The following DCC variants were observed in gnomAD, a reference collection of about 807,000 sequenced individuals.
The protein encoded by DCC is DCC netrin 1 receptor, also known as netrin receptor DCC.
A neutral mutation model predicts 172.5 loss-of-function variants in DCC; 58 were observed. The ratio of observed to expected loss-of-function variants is 0.34; its 90% CI spans 0.27 to 0.42. The LOEUF is 0.42. DCC is among the 10% of genes least tolerant of loss of function. DCC has a pLI of 1.00. For synonymous variants in DCC, 709 were observed against 644.5 expected, an observed-to-expected ratio of 1.10 and a Z score of -1.52; for missense variants, 1,740 against 1,791.0, an observed-to-expected ratio of 0.97 and a Z score of 0.51.
chr18:52,627,154 A>T (rs2034590328), intron 1 of DCC, among the ~76,000 whole-genome samples: 1 of 152,190 alleles, frequency 6.6e-6, no homozygotes, highest in South Asian at 2.1e-4. Flanking sequence ...GTAGAGCCCC[A>T]GTTATTCTTT....
At chr18:52,796,375 TTC>T (rs1413973278) in intron 2 of DCC, among the ~76,000 whole-genome samples, 1 of 152,144 alleles carries the variant, frequency 6.6e-6, no homozygotes, top group African/African-American at 2.4e-5. Context: ...CTTGATTCCT[TTC>T]TCTTTCTCAT....
At chr18:52,550,420 C>T (rs1359845500) in intron 1 of DCC, among the ~76,000 whole-genome samples, 3 of 151,964 alleles carry the variant, frequency 2.0e-5, no homozygotes, top group East Asian at 1.9e-4. Flanking sequence ...CATATTAGTT[C>T]GATATCTGTA....
chr18:53,446,494 G>C (rs144529651), intron 22 of DCC, among the ~76,000 whole-genome samples: 3,292 of 152,264 alleles, frequency 0.022, 60 homozygotes, highest in Middle Eastern at 0.065. Flanking sequence ...TCTGGAGCCA[G>C]CCTGTCTCCC....
intron 2 of DCC, among the ~76,000 whole-genome samples, chr18:52,885,962 C>A (rs2039563637): frequency 6.6e-6 from 1 of 151,622 alleles, no homozygotes; most frequent in African/African-American, 2.4e-5. Context: ...TGAGATAGGC[C>A]CCAGAATGTG....
chr18:52,766,056 G>C (rs73957686), intron 2 of DCC, among the ~76,000 whole-genome samples: 2,893 of 152,274 alleles, frequency 0.019, 113 homozygotes, highest in African/African-American at 0.066. Context: ...TGTGGAGGGA[G>C]CGTACAAGTG....
chr18:52,596,417 C>T (rs2033911267), intron 1 of DCC, among the ~76,000 whole-genome samples: 1 of 152,156 alleles, frequency 6.6e-6, no homozygotes, highest in African/African-American at 2.4e-5. Flanking sequence ...GATCATTTAA[C>T]CTGATAATTC....
At chr18:52,410,486 T>TC (rs1345350168) in intron 1 of DCC, among the ~76,000 whole-genome samples, 1 of 151,980 alleles carries the variant, frequency 6.6e-6, no homozygotes, top group Non-Finnish European at 1.5e-5. Context: ...GTGTTTTTGT[T>TC]CCCCCCATAT....
intron 1 of DCC, among the ~76,000 whole-genome samples, chr18:52,622,940 C>T (rs1420073300): frequency 6.6e-6 from 1 of 152,166 alleles, no homozygotes; most frequent in East Asian, 1.9e-4. Context: ...TTTAAATTCA[C>T]AAAGGACATG....
intron 14 of DCC, among the ~76,000 whole-genome samples, chr18:53,335,254 G>T (rs2057578764): frequency 6.6e-6 from 1 of 152,058 alleles, no homozygotes; most frequent in African/African-American, 2.4e-5. Context: ...GACTCAAATG[G>T]GGAGAATTTC....
chr18:53,381,412 A>C (rs912125716), intron 15 of DCC, among the ~76,000 whole-genome samples: 2 of 152,090 alleles, frequency 1.3e-5, no homozygotes, highest in Non-Finnish European at 2.9e-5. Flanking sequence ...CATAAGCTAC[A>C]GCTGTTAACC....
At chr18:52,648,308 C>G (rs538580498) in intron 1 of DCC, among the ~76,000 whole-genome samples, 1 of 152,338 alleles carries the variant, frequency 6.6e-6, no homozygotes, top group Admixed American at 6.5e-5. Flanking sequence ...GGCTTCCCCT[C>G]AACGTGAGAA....
At chr18:53,261,023 T>C (rs2056591460) in intron 12 of DCC, among the ~76,000 whole-genome samples, 1 of 152,158 alleles carries the variant, frequency 6.6e-6, no homozygotes, top group Non-Finnish European at 1.5e-5. Flanking sequence ...TATAATCTCC[T>C]GGTGTGCCAT....
chr18:53,003,991 C>T (rs954899738), intron 5 of DCC, among the ~76,000 whole-genome samples: 6 of 152,180 alleles, frequency 3.9e-5, no homozygotes, highest in Admixed American at 1.3e-4. Context: ...CAATATTTCA[C>T]TCAGCTATTC....
intron 2 of DCC, among the ~76,000 whole-genome samples, chr18:52,829,743 T>C (rs2038579334): frequency 1.3e-5 from 2 of 152,128 alleles, no homozygotes; most frequent in Admixed American, 6.5e-5. Flanking sequence ...CAGGAACTGT[T>C]CTAGATGCTG....
intron 7 of DCC, among the ~76,000 whole-genome samples, chr18:53,096,805 T>C (rs2043094174): frequency 6.6e-6 from 1 of 152,194 alleles, no homozygotes; most frequent in African/African-American, 2.4e-5. Context: ...ATGATAATTA[T>C]TATTATGATC....
chr18:53,265,003 G>C (rs541101419), intron 12 of DCC, among the ~76,000 whole-genome samples: 2 of 152,248 alleles, frequency 1.3e-5, no homozygotes, highest in South Asian at 4.1e-4. Context: ...GTGTTTTCCT[G>C]TTCACATAAT....
At chr18:53,344,035 C>A (rs938037257) in intron 15 of DCC, among the ~76,000 whole-genome samples, 1 of 151,892 alleles carries the variant, frequency 6.6e-6, no homozygotes, top group African/African-American at 2.4e-5. Context: ...GATATCTAGA[C>A]AGAGATTTAC....
intron 1 of DCC, among the ~76,000 whole-genome samples, chr18:52,642,318 G>T (rs117020844): frequency 1.3e-5 from 2 of 151,628 alleles, no homozygotes; most frequent in Non-Finnish European, 2.9e-5. Context: ...TGGGGAATTC[G>T]GGGGAAGAGT....
chr18:52,975,728 T>C (rs1458297305), intron 5 of DCC, among the ~76,000 whole-genome samples: 1 of 152,250 alleles, frequency 6.6e-6, no homozygotes, highest in Non-Finnish European at 1.5e-5. Flanking sequence ...GTGGTATATA[T>C]GTACCACATG....
Sources: allele counts gnomAD v4.1 joint callset (sites outside exome capture counted in the v4.1 genomes callset), GRCh38; gene constraint gnomAD v4.1.1; transcripts MANE v1.5; gene names NCBI Gene and HGNC (gene_info 2026-07-23, HGNC 2026-07-21).